The following PBX1 variants were observed in gnomAD, a reference collection of about 807,000 sequenced individuals.
The protein encoded by PBX1 is PBX homeobox 1.
PBX1 carries 6 observed loss-of-function variants against 53.4 expected under a neutral mutation model. That is an observed-to-expected ratio of 0.11 (90% CI 0.06 to 0.22). The LOEUF (loss-of-function observed/expected upper bound fraction) is 0.22, where lower values mean the gene tolerates loss of function less well. Ranked by LOEUF, PBX1 falls within the 10% of genes least tolerant of loss-of-function variation. PBX1 has a pLI of 1.00. For synonymous variants in PBX1, 204 were observed against 212.3 expected (o/e 0.96, Z 0.34); for missense variants, 251 against 551.4 (o/e 0.46, Z 5.46).
intron 2 of PBX1, among the ~76,000 whole-genome samples, chr1:164,601,956 G>T (rs1656207153): frequency 6.6e-6 from 1 of 152,180 alleles, no homozygotes; most frequent in African/African-American, 2.4e-5. Flanking sequence ...CACCCTAGGA[G>T]TGGGGATTCA....
intron 4 of PBX1, 149 bp from the exon 5 acceptor site, chr1:164,807,393 T>G (rs542492107): frequency 1.2e-6 from 1 of 857,098 alleles, no homozygotes; most frequent in East Asian, 2.6e-5. Context: ...TTAGCGTTGG[T>G]TTTGGCATCC....
intron 8 of PBX1, among the ~76,000 whole-genome samples, chr1:164,844,251 T>G (rs568557829): frequency 6.6e-6 from 1 of 152,110 alleles, no homozygotes; most frequent in African/African-American, 2.4e-5. Flanking sequence ...CAAATATCTT[T>G]GTGCTTTGGA....
intron 2 of PBX1, among the ~76,000 whole-genome samples, chr1:164,755,447 C>T (rs114837137): frequency 1.3e-5 from 2 of 152,114 alleles, no homozygotes; most frequent in African/African-American, 4.8e-5. Flanking sequence ...CCGCGCCCAG[C>T]CTTTTACTTG....
intron 2 of PBX1, chr1:164,590,414 C>T (rs1202790707): frequency 6.6e-6 from 3 of 455,914 alleles, no homozygotes; most frequent in South Asian, 3.1e-5. Context: ...TCCCAATCGC[C>T]GCCGCCCCCC....
intron 2 of PBX1, among the ~76,000 whole-genome samples, chr1:164,566,997 A>AC (rs1174031851): frequency 6.6e-6 from 1 of 151,216 alleles, no homozygotes; most frequent in Admixed American, 6.6e-5. Flanking sequence ...TTCAATTAAC[A>AC]CCCCCATCAC....
At chr1:164,787,962 G>A (rs1371346837) in intron 2 of PBX1, among the ~76,000 whole-genome samples, 1 of 152,270 alleles carries the variant, frequency 6.6e-6, no homozygotes, top group East Asian at 1.9e-4. Context: ...CATTTTTCGG[G>A]TAGTGGACGC....
At chr1:164,793,017 A>G (rs1171950068) in intron 3 of PBX1, among the ~76,000 whole-genome samples, 1 of 152,168 alleles carries the variant, frequency 6.6e-6, no homozygotes, top group Non-Finnish European at 1.5e-5. Context: ...GCATAGAAGG[A>G]ACACTCCATA....
intron 2 of PBX1, among the ~76,000 whole-genome samples, chr1:164,604,970 T>G (rs904762031): frequency 6.6e-6 from 1 of 152,196 alleles, no homozygotes; most frequent in Non-Finnish European, 1.5e-5. Context: ...GAGTGCCTTC[T>G]AGTAACAAGT....
At chr1:164,646,589 G>T (rs1471446155) in intron 2 of PBX1, among the ~76,000 whole-genome samples, 1 of 152,134 alleles carries the variant, frequency 6.6e-6, no homozygotes, top group African/African-American at 2.4e-5. Context: ...ATGCAAAAAA[G>T]ACTTGGGGAC....
intron 2 of PBX1, chr1:164,605,081 A>AGGGTAT (rs1441060703): frequency 6.6e-6 from 1 of 152,164 alleles, no homozygotes; most frequent in Non-Finnish European, 1.5e-5. Flanking sequence ...GGCCTAGTCC[A>AGGGTAT]GGGTATTAAA....
At chr1:164,647,492 A>ACC (rs1169485026) in intron 2 of PBX1, among the ~76,000 whole-genome samples, 1 of 152,112 alleles carries the variant, frequency 6.6e-6, no homozygotes, top group Non-Finnish European at 1.5e-5. Context: ...AATCGAGGTG[A>ACC]CCTAGTTGAC....
intron 2 of PBX1, among the ~76,000 whole-genome samples, chr1:164,664,392 A>G (rs887669526): frequency 6.6e-6 from 1 of 152,152 alleles, no homozygotes; most frequent in African/African-American, 2.4e-5. Context: ...TGTCACCACA[A>G]TTGGGAAGCT....
chr1:164,822,172 T>G (rs1409633041), intron 8 of PBX1, among the ~76,000 whole-genome samples: 1 of 152,074 alleles, frequency 6.6e-6, no homozygotes, highest in Non-Finnish European at 1.5e-5. Context: ...GCATGAAAAT[T>G]CATAGCGACA....
chr1:164,701,782 A>C (rs1303015528), intron 2 of PBX1, among the ~76,000 whole-genome samples: 1 of 152,152 alleles, frequency 6.6e-6, no homozygotes, highest in Non-Finnish European at 1.5e-5. Flanking sequence ...TTTTTGACCG[A>C]GCTCTGTACT....
intron 2 of PBX1, among the ~76,000 whole-genome samples, chr1:164,686,494 C>T (rs1057458659): frequency 6.6e-6 from 1 of 152,164 alleles, no homozygotes; most frequent in Non-Finnish European, 1.5e-5. Flanking sequence ...AAGAACTTAC[C>T]TTGGCAGCAG....
At chr1:164,853,939 T>A (rs531271389), downstream of PBX1, among the ~76,000 whole-genome samples, 625 of 126,062 alleles carry the variant, frequency 5.0e-3, 3 homozygotes, top group Non-Finnish European at 7.5e-3. Context: ...TTATTTATTT[T>A]ATTTTTTTTT....
intron 2 of PBX1, among the ~76,000 whole-genome samples, chr1:164,883,427 C>T (rs537331480): frequency 6.6e-6 from 1 of 152,162 alleles, no homozygotes; most frequent in African/African-American, 2.4e-5. Context: ...CTTCCTTACA[C>T]AAAATAATAT....
intron 2 of PBX1, among the ~76,000 whole-genome samples, chr1:164,790,345 A>G (rs1668434001): frequency 6.6e-6 from 1 of 152,220 alleles, no homozygotes; most frequent in Non-Finnish European, 1.5e-5. Flanking sequence ...TTGGAAAAAA[A>G]AGTCCACAAA....
At position 164,575,401 on chromosome 1, in the gene PBX1, A is replaced by G. The variant is rs537225621; in HGVS notation, c.265+12090A>G. On this transcript the variant is annotated intron_variant, in intron 2 of 8. Coordinates refer to ENST00000420696, the MANE Select transcript of PBX1 (RefSeq NM_002585.4). Reference sequence around the variant, plus strand: ...TCAGTAAGTATGAGAAAAAGTTTATATATTTGTCTTGCTTTGAGACAGGTT... The same window carrying G: ...TCAGTAAGTATGAGAAAAAGTTTATGTATTTGTCTTGCTTTGAGACAGGTT... Among the ~76,000 whole-genome samples the G allele has an allele frequency of 6.6e-5, 10 of 152,320 alleles. No individual in the cohort carries two copies. In the East Asian group the frequency reaches 7.7e-4, roughly 12 times the overall value.
Sources: gnomAD v4.1 joint callset for allele counts (sites outside exome capture counted in the v4.1 genomes callset) on GRCh38, gnomAD v4.1.1 for gene constraint, MANE v1.5 for transcripts, NCBI Gene and HGNC (gene_info 2026-07-23, HGNC 2026-07-21) for gene names.